The following WRN variants were observed in gnomAD, a reference collection of about 807,000 sequenced individuals.
WRN encodes the protein bifunctional 3'-5' exonuclease/ATP-dependent helicase WRN.
WRN carries 149 observed loss-of-function variants against 180.7 expected under a neutral mutation model. That is an observed-to-expected ratio of 0.82 (90% CI 0.72 to 0.94). The LOEUF (loss-of-function observed/expected upper bound fraction) is 0.94, where lower values mean the gene tolerates loss of function less well. Among genes scored for constraint, WRN ranks in the 40% least tolerant of loss-of-function variants. WRN has a pLI of 0.00. For synonymous variants in WRN, 548 were observed against 568.9 expected (o/e 0.96, Z 0.52); for missense variants, 1,661 against 1,700.1 (o/e 0.98, Z 0.40).
chr8:31,163,683 A>G (rs1803726636), intron 33 of WRN, among the ~76,000 whole-genome samples: 1 of 152,170 alleles, frequency 6.6e-6, no homozygotes, highest in African/African-American at 2.4e-5. Context: ...AAATATTAAA[A>G]TCAAGCAGAA....
At chr8:31,166,153 G>A (rs113706116) in intron 33 of WRN, among the ~76,000 whole-genome samples, 35 of 152,228 alleles carry the variant, frequency 2.3e-4, no homozygotes, top group Non-Finnish European at 4.4e-4. Context: ...ACAATTTAAA[G>A]AACGTCTTTT....
chr8:31,109,515 A>G (rs1354027653), intron 18 of WRN, among the ~76,000 whole-genome samples: 2 of 152,096 alleles, frequency 1.3e-5, no homozygotes, highest in Non-Finnish European at 2.9e-5. Flanking sequence ...TTGCTGAAAA[A>G]ACTGAGCCCT....
intron 3 of WRN, among the ~76,000 whole-genome samples, chr8:31,060,562 AGG>A (rs983652961): frequency 1.3e-5 from 2 of 152,202 alleles, no homozygotes; most frequent in African/African-American, 4.8e-5. Context: ...AACAAACAAA[AGG>A]CAGAGGTAGG....
At position 31,124,954 on chromosome 8, in the gene WRN, T is replaced by A; in HGVS notation, c.2779T>A (p.Leu927Met). The A allele has an allele frequency of 2.5e-6, 4 of 1,613,218 alleles. No homozygotes were observed. The highest frequency in any genetic ancestry group is 3.4e-6 in the Non-Finnish European group (4 of 1,179,486). Residue 927 changes from leucine (L) to methionine (M), a missense_variant, in exon 23 of 35, where the codon TTG becomes ATG. Coordinates refer to ENST00000298139, the MANE Select transcript of WRN (RefSeq NM_000553.6). ...GGACAAACAAGTACAAAAAGCCTCC[T>A]TGGGAATTATGGGAACTGAAAAATG... ...FEDKQVQKAS[L>M]GIMGTEKCCD... is the part of the protein sequence containing the mutation.
intron 30 of WRN, among the ~76,000 whole-genome samples, chr8:31,148,455 A>G (rs1350660572): frequency 6.6e-6 from 1 of 152,088 alleles, no homozygotes; most frequent in Non-Finnish European, 1.5e-5. Flanking sequence ...CTATTTATGA[A>G]CTTAAACTTA....
In WRN at chr8:31,141,691, G is replaced by A; in HGVS notation, c.3149G>A (p.Trp1050Ter). ...ICALTKKGRN[W>*]LHKANTESQS... ...TTTTGCTTTTAATAGGGTAGAAATT[G>A]GCTTCATAAAGCTAATACAGAATCT... Residue 1050 changes from tryptophan to a stop codon, truncating the protein, a stop_gained, in exon 26 of 35, where the codon TGG (tryptophan) becomes TAG (stop). Coordinates refer to ENST00000298139, the MANE Select transcript of WRN (RefSeq NM_000553.6). LOFTEE classifies it high-confidence loss of function. 6.2e-7 allele frequency: 1 copy of A among 1,614,116 alleles called. No homozygotes were observed. The highest frequency in any genetic ancestry group is 8.5e-7 in the Non-Finnish European group (1 of 1,180,018).
At position 31,175,093 on chromosome 8, in the gene WRN, A is replaced by G. The variant is rs868715457; in HGVS notation, c.*1991A>G. 7.9e-5 allele frequency among the ~76,000 whole-genome samples: 12 copies of G among 152,064 alleles called. No homozygotes were observed. The highest frequency in any genetic ancestry group is 3.3e-4 in the Admixed American group (5 of 15,258). ...TTTTTTCTGTGTTTCGAAGATCCGT[A>G]TAACTCAGTGAATCAGTATGTTCTG... On this transcript the variant is annotated 3_prime_UTR_variant, in exon 35 of 35. Coordinates refer to ENST00000298139, the MANE Select transcript of WRN (RefSeq NM_000553.6).
At chr8:31,076,124 A>G (rs1344312283) in intron 7 of WRN, 49 bp from the exon 8 acceptor site, 13 of 1,430,306 alleles carry the variant, frequency 9.1e-6, no homozygotes, top group Non-Finnish European at 1.2e-5. Flanking sequence ...CTAAATGAAT[A>G]TCTCTGCTTT....
chr8:31,082,660 A>G (rs1813363864), intron 9 of WRN, among the ~76,000 whole-genome samples: 1 of 151,634 alleles, frequency 6.6e-6, no homozygotes, highest in Non-Finnish European at 1.5e-5. Context: ...GCCGTGGCGC[A>G]GTCTTGGCTC....
intron 33 of WRN, 37 bp downstream of exon 33, chr8:31,157,567 T>C (rs892123659): frequency 6.2e-6 from 10 of 1,612,686 alleles, no homozygotes; most frequent in East Asian, 2.2e-5. Context: ...CCTTAATGAC[T>C]TGATGAAGTA....
chr8:31,169,073 T>C (rs1804006859), intron 34 of WRN, among the ~76,000 whole-genome samples: 1 of 152,050 alleles, frequency 6.6e-6, no homozygotes, highest in African/African-American at 2.4e-5. Context: ...TCATACTTTT[T>C]AGTGTTTTAT....
intron 3 of WRN, 88 bp downstream of exon 3, chr8:31,059,353 A>G: frequency 1.9e-6 from 2 of 1,060,410 alleles, no homozygotes; most frequent in Non-Finnish European, 2.9e-6. Flanking sequence ...ACTGAGTTTT[A>G]CAGGTGAGGT....
intron 33 of WRN, among the ~76,000 whole-genome samples, chr8:31,160,987 CAAA>C (rs35397047): frequency 7.1e-6 from 1 of 141,610 alleles, no homozygotes. Flanking sequence ...GACTCTGTCT[CAAA>C]AAAAAAAAAA....
chr8:31,113,799 C>T (rs1053633436), intron 19 of WRN, among the ~76,000 whole-genome samples: 1 of 151,636 alleles, frequency 6.6e-6, no homozygotes, highest in African/African-American at 2.4e-5. Context: ...TACTTTTTAG[C>T]CGAGACTATT....
Position 31,064,924 on chromosome 8 carries a change from A to G in WRN, c.365A>G (p.Gln122Arg). The part of the protein sequence containing the change: ...FHVSSMSVFP[Q>R]GLKMLLENKA... ...CAAGAAAATGTTACAGTTTTTCCCC[A>G]GGGATTAAAAATGTTGCTTGAAAAT... is the stretch of plus-strand genomic sequence containing the variant. The change falls in exon 5 of 35, where the codon CAG becomes CGG. Residue 122 changes from glutamine (Q) to arginine (R), a missense_variant. Physicochemically the swap from Gln to Arg is conservative, Grantham distance 43. Transcript: ENST00000298139. The G allele has an allele frequency of 6.2e-7, 1 of 1,613,586 alleles. No homozygotes were observed. Among genetic ancestry groups the G allele is most frequent in the Non-Finnish European group, 8.5e-7 (1 of 1,179,704 alleles).
At chr8:31,136,033 T>C (rs896695814) in intron 24 of WRN, among the ~76,000 whole-genome samples, 1 of 152,198 alleles carries the variant, frequency 6.6e-6, no homozygotes, top group African/African-American at 2.4e-5. Flanking sequence ...GAATGTGATA[T>C]GTCACCCAGG....
intron 8 of WRN, 38 bp downstream of exon 8, chr8:31,076,325 TTC>T (rs765587446): frequency 2.7e-6 from 4 of 1,503,908 alleles, no homozygotes; most frequent in Admixed American, 1.7e-5. Context: ...CTTAAATCAA[TTC>T]TGTTTATTTT....
chr8:31,132,849 A>G (rs1376492125), intron 24 of WRN, among the ~76,000 whole-genome samples: 3 of 152,242 alleles, frequency 2.0e-5, no homozygotes, highest in Non-Finnish European at 2.9e-5. Flanking sequence ...AGGGACAGGT[A>G]GAACAAAATT....
chr8:31,122,197 C>T (rs1208123308), intron 21 of WRN, among the ~76,000 whole-genome samples: 1 of 151,738 alleles, frequency 6.6e-6, no homozygotes, highest in Non-Finnish European at 1.5e-5. Context: ...GACAGGTTAC[C>T]CTTTGCATCA....
Sources: gnomAD v4.1 joint callset for allele counts (sites outside exome capture counted in the v4.1 genomes callset) on GRCh38, gnomAD v4.1.1 for gene constraint, MANE v1.5 for transcripts, NCBI Gene and HGNC (gene_info 2026-07-23, HGNC 2026-07-21) for gene names.